PEX26: variants seen among roughly 807,000 people sequenced by gnomAD.
The protein encoded by PEX26 is peroxisome assembly protein 26.
Under a neutral mutation model 31.4 loss-of-function variants are expected in PEX26, and 18 were observed. The ratio of observed to expected loss-of-function variants is 0.57; its 90% CI spans 0.40 to 0.85. The LOEUF is 0.85. Ranked by LOEUF, PEX26 falls within the 40% of genes least tolerant of loss-of-function variation. The pLI is 0.00. For synonymous variants in PEX26, 176 were observed against 166.9 expected (o/e 1.05, Z -0.42); for missense variants, 377 against 383.9 (o/e 0.98, Z 0.15).
chr22:18,078,567 G>C lies in PEX26; in HGVS notation c.191G>C (p.Ser64Thr). The C allele has an allele frequency of 1.3e-6, 2 of 1,597,974 alleles. No individual in the cohort carries two copies. The highest frequency in any genetic ancestry group is 1.7e-6 in the Non-Finnish European group (2 of 1,174,846). ...GAGACCTGCGAGCGGGCCTGGCAGAGTCTGGCCAACCACGCCGTGGCAGAG... is the reference window on the plus strand; with the variant it reads ...GAGACCTGCGAGCGGGCCTGGCAGACTCTGGCCAACCACGCCGTGGCAGAG... Reference protein sequence around the residue: ...ALETCERAWQSLANHAVAEEP... With the variant: ...ALETCERAWQTLANHAVAEEP... The change falls in exon 1 of 5, where the codon AGT becomes ACT. Residue 64 changes from serine to threonine, a missense_variant. Transcript: ENST00000399744.
In PEX26 at chr22:18,101,319, A is replaced by C. The variant is rs997892338; in HGVS notation, c.*13244A>C. ...GAGATTCAGAAACCTCAAGATGGGT[A>C]GCTGGCTTGAGTAACATCCTAGATA... On this transcript the variant is annotated 3_prime_UTR_variant, in exon 5 of 5. Coordinates refer to ENST00000399744, the MANE Select transcript of PEX26 (RefSeq NM_001127649.3). 6.6e-6 allele frequency: 1 copy of C among 152,160 alleles called. No individual in the cohort carries two copies. Among genetic ancestry groups the C allele is most frequent in the African/African-American group, 2.4e-5 (1 of 41,434 alleles). The allele number at this position is 152,160 out of a possible 1,614,324, so 9.4% of individuals were successfully genotyped here.
Position 18,105,390 on chromosome 22 carries a change from A to C in PEX26, c.*17315A>C, listed in dbSNP as rs1318342232. The C allele has an allele frequency of 6.6e-6, 1 of 152,200 alleles. No homozygotes were observed. Among genetic ancestry groups the C allele is most frequent in the African/African-American group, 2.4e-5 (1 of 41,448 alleles). 9.4% of individuals were successfully genotyped at this position (152,200 alleles called of 1,614,324 possible). On this transcript the variant is annotated 3_prime_UTR_variant, in exon 5 of 5. Transcript: ENST00000399744. ...TGTAAAATGAGGATAATAAAAATTTAACTTCAGAGGTTTGTTGTGAGGAAT... is the reference window on the plus strand; with the variant it reads ...TGTAAAATGAGGATAATAAAAATTTCACTTCAGAGGTTTGTTGTGAGGAAT...
rs1927257754 is a variant in PEX26 at position 18,095,269 on chromosome 22, C to T, written c.*7194C>T. The T allele has an allele frequency of 6.6e-6, 1 of 152,202 alleles. No homozygotes were observed. Among genetic ancestry groups the T allele is most frequent in the Non-Finnish European group, 1.5e-5 (1 of 68,062 alleles). The allele number at this position is 152,202 out of a possible 1,614,324, so 9.4% of individuals were successfully genotyped here. A position where few individuals can be genotyped will look rare whatever the true frequency, so the allele number is the denominator to read the frequency against. ...GAGAAAGAGCAGGAGGTGTTCTTCTCAGATGTACCAGCAATGACAAAGCCT... is the reference window on the plus strand; with the variant it reads ...GAGAAAGAGCAGGAGGTGTTCTTCTTAGATGTACCAGCAATGACAAAGCCT... On this transcript the variant is annotated 3_prime_UTR_variant, in exon 5 of 5. Transcript: ENST00000399744.
In PEX26 at chr22:18,104,124, C is replaced by A. The variant is rs901598233; in HGVS notation, c.*16049C>A. 6.6e-6 allele frequency: 1 copy of A among 152,110 alleles called. No homozygotes were observed. Among genetic ancestry groups the A allele is most frequent in the Non-Finnish European group, 1.5e-5 (1 of 68,016 alleles). The allele number at this position is 152,110 out of a possible 1,614,324, so 9.4% of individuals were successfully genotyped here. A position where few individuals can be genotyped will look rare whatever the true frequency, so the allele number is the denominator to read the frequency against. Reference sequence around the variant, plus strand: ...GGAGGAAAATGCCCAGAAAGGGGAACAGTTAATCATCTACACAATACCAAG... The same window carrying A: ...GGAGGAAAATGCCCAGAAAGGGGAAAAGTTAATCATCTACACAATACCAAG... On this transcript the variant is annotated 3_prime_UTR_variant, in exon 5 of 5. Coordinates refer to ENST00000399744, the MANE Select transcript of PEX26 (RefSeq NM_001127649.3).
At chr22:18,084,503 A>G (rs1261786133) in intron 3 of PEX26, among the ~76,000 whole-genome samples, 8 of 152,090 alleles carry the variant, frequency 5.3e-5, no homozygotes, top group Admixed American at 5.2e-4. Context: ...TTGGCCTCCC[A>G]AAGTGCTGGG....
rs1440989636 is a variant in PEX26 at position 18,089,235 on chromosome 22, C to G, written c.*1160C>G. ...TGTGTCCCATTGTCCTAGTTATGTT[C>G]TGTTGTTTGTGTAATGCCCAAATTT... On this transcript the variant is annotated 3_prime_UTR_variant, in exon 5 of 5. Transcript: ENST00000399744. 1 of 152,688 alleles carries G rather than the reference C, an allele frequency of 6.5e-6. No homozygotes were observed. Among genetic ancestry groups the G allele is most frequent in the African/African-American group, 2.4e-5 (1 of 41,416 alleles). The allele number at this position is 152,688 out of a possible 1,614,324, so 9.5% of individuals were successfully genotyped here. A position where few individuals can be genotyped will look rare whatever the true frequency, so the allele number is the denominator to read the frequency against.
Position 18,103,489 on chromosome 22 carries a change from A to G in PEX26, c.*15414A>G, listed in dbSNP as rs578111052. The G allele has an allele frequency of 6.6e-6, 1 of 152,178 alleles. No homozygotes were observed. The highest frequency in any genetic ancestry group is 1.5e-5 in the Non-Finnish European group (1 of 68,034). The allele number at this position is 152,178 out of a possible 1,614,324, so 9.4% of individuals were successfully genotyped here. A position where few individuals can be genotyped will look rare whatever the true frequency, so the allele number is the denominator to read the frequency against. ...CATGTAGGTGAGTTGATTTTCTTCCATGTCTTCAAACTCCTGGTAATACTT... is the reference window on the plus strand; with the variant it reads ...CATGTAGGTGAGTTGATTTTCTTCCGTGTCTTCAAACTCCTGGTAATACTT... On this transcript the variant is annotated 3_prime_UTR_variant, in exon 5 of 5. Coordinates refer to ENST00000399744, the MANE Select transcript of PEX26 (RefSeq NM_001127649.3).
rs1392633363 is a variant in PEX26 at position 18,099,011 on chromosome 22, A to G, written c.*10936A>G. ...TCTGGGCTATCTAAAATAATCAGGT[A>G]CTAGACCAAAAAATGACATGCTGTC... On this transcript the variant is annotated 3_prime_UTR_variant, in exon 5 of 5. Coordinates refer to ENST00000399744, the MANE Select transcript of PEX26 (RefSeq NM_001127649.3). The G allele has an allele frequency of 6.6e-6, 1 of 152,246 alleles. No homozygotes were observed. Among genetic ancestry groups the G allele is most frequent in the Admixed American group, 6.5e-5 (1 of 15,276 alleles). The allele number at this position is 152,246 out of a possible 1,614,324, so 9.4% of individuals were successfully genotyped here.
chr22:18,083,774 C>A, intron 3 of PEX26, 42 bp downstream of exon 3: 1 of 1,584,798 alleles, frequency 6.3e-7, no homozygotes, highest in Non-Finnish European at 8.7e-7. Flanking sequence ...AGTGGACTTG[C>A]GGGCTTGCAC....
At position 18,088,034 on chromosome 22, in the gene PEX26, G is replaced by C; in HGVS notation, c.877G>C (p.Ala293Pro). The C allele has an allele frequency of 1.2e-6, 2 of 1,613,546 alleles. No individual in the cohort carries two copies. The highest frequency in any genetic ancestry group is 1.7e-6 in the Non-Finnish European group (2 of 1,179,882). ...LAQLFRWIRK[A>P]AFSRLYQLRI... ...CCAGCTCTTCCGCTGGATCCGGAAGGCTGCATTTTCTCGCCTCTACCAGCT... is the reference window on the plus strand; with the variant it reads ...CCAGCTCTTCCGCTGGATCCGGAAGCCTGCATTTTCTCGCCTCTACCAGCT... The change falls in exon 5 of 5, where the codon GCT becomes CCT. Residue 293 changes from alanine to proline, a missense_variant. Ala to Pro is a conservative substitution (Grantham distance 27). Transcript: ENST00000399744. The surrounding 1 kb of genome is among the most constrained non-coding windows in gnomAD (Gnocchi z 4.1).
rs1239119779 is a variant in PEX26, at chr22:18,103,134, T to C, written c.*15059T>C. On this transcript the variant is annotated 3_prime_UTR_variant, in exon 5 of 5. Coordinates refer to ENST00000399744, the MANE Select transcript of PEX26 (RefSeq NM_001127649.3). Reference sequence around the variant, plus strand: ...AAAAGGCATGTAAAAGTTAATCTCATGGAGGTAGAGAGTAGAATGACAATT... The same window carrying C: ...AAAAGGCATGTAAAAGTTAATCTCACGGAGGTAGAGAGTAGAATGACAATT... 1.4e-5 allele frequency: 2 copies of C among 144,668 alleles called. No homozygotes were observed. Among genetic ancestry groups the C allele is most frequent in the East Asian group, 2.0e-4 (1 of 4,962 alleles). 9.0% of individuals were successfully genotyped at this position (144,668 alleles called of 1,614,324 possible). A position where few individuals can be genotyped will look rare whatever the true frequency, so the allele number is the denominator to read the frequency against.
intron 2 of PEX26, 118 bp from the exon 3 acceptor site, chr22:18,083,319 G>A (rs1006076235): frequency 7.4e-5 from 75 of 1,013,082 alleles, no homozygotes; most frequent in African/African-American, 1.4e-4. Context: ...CATCGGAAAG[G>A]GCTCGAGGAC....
intron 1 of PEX26, 96 bp from the exon 2 acceptor site, chr22:18,079,778 T>C: frequency 7.3e-7 from 1 of 1,370,982 alleles, no homozygotes; most frequent in Non-Finnish European, 1.0e-6. Context: ...TGATGGCTGC[T>C]GAGTTGGGAG....
rs1166046187 is a variant in PEX26 at position 18,098,542 on chromosome 22, G to C, written c.*10467G>C. On this transcript the variant is annotated 3_prime_UTR_variant, in exon 5 of 5. Transcript: ENST00000399744. The stretch of plus-strand genomic sequence containing the variant: ...TACTCAGGAGGAGGCTGAGGCAGGA[G>C]AATCTCTGGAACCTGGGAGGCAGAG... The C allele has an allele frequency of 6.6e-6, 1 of 151,914 alleles. No individual in the cohort carries two copies. The highest frequency in any genetic ancestry group is 1.9e-4 in the East Asian group (1 of 5,138). 9.4% of individuals were successfully genotyped at this position (151,914 alleles called of 1,614,324 possible).
chr22:18,092,098 G>C lies in PEX26; in HGVS notation c.*4023G>C, dbSNP rs930528512. The C allele has an allele frequency of 6.6e-6, 1 of 152,206 alleles. No individual in the cohort carries two copies. The highest frequency in any genetic ancestry group is 1.5e-5 in the Non-Finnish European group (1 of 68,092). 9.4% of individuals were successfully genotyped at this position (152,206 alleles called of 1,614,324 possible). On this transcript the variant is annotated 3_prime_UTR_variant, in exon 5 of 5. Coordinates refer to ENST00000399744, the MANE Select transcript of PEX26 (RefSeq NM_001127649.3). ...TTCCTTCCTCCCTCCCAGCCTCCCT[G>C]TGCCGTCCTCTGCTTTCCTCCCTCC...
At chr22:18,087,093 T>C (rs1926871503) in intron 4 of PEX26, among the ~76,000 whole-genome samples, 1 of 151,896 alleles carries the variant, frequency 6.6e-6, no homozygotes, top group Non-Finnish European at 1.5e-5. Flanking sequence ...TTTATTTTTA[T>C]TTTTGAGACA....
rs468784 is a variant in PEX26 at position 18,096,995 on chromosome 22, C to A, written c.*8920C>A. The A allele has an allele frequency of 0.53, 80,295 of 152,008 alleles. 22,799 individuals are homozygous for A. The highest frequency in any genetic ancestry group is 0.64 in the Non-Finnish European group (43,829 of 67,974). 9.4% of individuals were successfully genotyped at this position (152,008 alleles called of 1,614,324 possible). ...TGGAAGGCAAAGGGGAAGCAAGGCACATCTTACATGGCAGCAGCAGAGAGA... is the reference window on the plus strand; with the variant it reads ...TGGAAGGCAAAGGGGAAGCAAGGCAAATCTTACATGGCAGCAGCAGAGAGA... On this transcript the variant is annotated 3_prime_UTR_variant, in exon 5 of 5. Transcript: ENST00000399744.
rs762094985 is a variant in PEX26 at position 18,084,723 on chromosome 22, CT to C, written c.668-373del. On this transcript the variant is annotated intron_variant, in intron 3 of 4. Coordinates refer to ENST00000399744, the MANE Select transcript of PEX26 (RefSeq NM_001127649.3). ...ATACCTAATACCCTTTTACTAAACTCTTTTTTTTTTTTTTTTGAGACGGAGT... is the reference window on the plus strand; with the variant it reads ...ATACCTAATACCCTTTTACTAAACTCTTTTTTTTTTTTTTTGAGACGGAGT... Among the ~76,000 whole-genome samples, 1,387 of 139,246 alleles carry C rather than the reference CT, an allele frequency of 1.0e-2. 8 individuals are homozygous for C. The highest frequency in any genetic ancestry group is 0.024 in the African/African-American group (913 of 38,192). 91.4% of individuals were successfully genotyped at this position (139,246 alleles called of 152,430 possible). A position where few individuals can be genotyped will look rare whatever the true frequency, so the allele number is the denominator to read the frequency against.
rs1927253131 is a variant in PEX26 at position 18,095,134 on chromosome 22, A to C, written c.*7059A>C. On this transcript the variant is annotated 3_prime_UTR_variant, in exon 5 of 5. Coordinates refer to ENST00000399744, the MANE Select transcript of PEX26 (RefSeq NM_001127649.3). ...AGGGAAGGAAGAAATAGAAGCAGCA[A>C]GAGTTGGTGAGCAATAAGACCCGCA... 1 of 152,240 alleles carries C rather than the reference A, an allele frequency of 6.6e-6. No individual in the cohort carries two copies. The highest frequency in any genetic ancestry group is 2.4e-5 in the African/African-American group (1 of 41,438). 9.4% of individuals were successfully genotyped at this position (152,240 alleles called of 1,614,324 possible).
Sources: gnomAD v4.1 joint callset for allele counts (sites outside exome capture counted in the v4.1 genomes callset) on GRCh38, gnomAD v4.1.1 for gene constraint, Gnocchi (gnomAD v3.1) non-coding constraint, MANE v1.5 for transcripts, NCBI Gene and HGNC (gene_info 2026-07-23, HGNC 2026-07-21) for gene names.